Variants in PTPRD observed in about 807,000 individuals in gnomAD.
PTPRD encodes the protein protein tyrosine phosphatase receptor type D.
A neutral mutation model predicts 214.5 loss-of-function variants in PTPRD; 34 were observed. The ratio of observed to expected loss-of-function variants is 0.16; its 90% CI spans 0.12 to 0.21. PTPRD has a LOEUF of 0.21. PTPRD is among the 10% of genes least tolerant of loss of function. The pLI, the probability that PTPRD is intolerant of heterozygous loss-of-function variation, is 1.00. For missense variants in PTPRD, 2,545 were observed against 2,398.7 expected (o/e 1.06, Z -1.27); for synonymous variants, 1,128 against 845.7 (o/e 1.33, Z -5.79).
At chr9:9,902,719 G>A (rs1011670456) in intron 5 of PTPRD, among the ~76,000 whole-genome samples, 1 of 152,096 alleles carries the variant, frequency 6.6e-6, no homozygotes, top group Non-Finnish European at 1.5e-5. Flanking sequence ...AGATCAGTAG[G>A]TAGGATGATA....
intron 5 of PTPRD, among the ~76,000 whole-genome samples, chr9:9,842,146 G>A (rs2058478591): frequency 1.3e-5 from 2 of 151,808 alleles, no homozygotes. Context: ...AAACTAAGAA[G>A]AATATTGAGA....
At chr9:8,857,279 G>A (rs998040188) in intron 11 of PTPRD, among the ~76,000 whole-genome samples, 1 of 152,144 alleles carries the variant, frequency 6.6e-6, no homozygotes, top group African/African-American at 2.4e-5. Flanking sequence ...AGGATCCCTG[G>A]GTAAGGGTGG....
At chr9:10,113,870 T>A (rs978390517) in intron 3 of PTPRD, among the ~76,000 whole-genome samples, 2 of 152,192 alleles carry the variant, frequency 1.3e-5, no homozygotes, top group East Asian at 3.9e-4. Context: ...TTAGCAAGAA[T>A]CTGGGAAAAG....
At chr9:9,473,472 C>T (rs2094780334) in intron 8 of PTPRD, among the ~76,000 whole-genome samples, 1 of 152,074 alleles carries the variant, frequency 6.6e-6, no homozygotes, top group African/African-American at 2.4e-5. Context: ...GATTTTCTTT[C>T]TTTGGAAAAA....
chr9:8,398,876 AT>A (rs1184246370), intron 36 of PTPRD, among the ~76,000 whole-genome samples: 3 of 152,154 alleles, frequency 2.0e-5, no homozygotes, highest in Non-Finnish European at 4.4e-5. Flanking sequence ...AGTCTGTGGT[AT>A]TTTGTTATAG....
At chr9:9,288,579 T>C (rs1225409151) in intron 9 of PTPRD, among the ~76,000 whole-genome samples, 1 of 151,942 alleles carries the variant, frequency 6.6e-6, no homozygotes, top group South Asian at 2.1e-4. Flanking sequence ...CACACTTTCA[T>C]TGTTAATTAT....
chr9:10,549,206 T>G (rs1252732351), intron 2 of PTPRD, among the ~76,000 whole-genome samples: 2 of 152,184 alleles, frequency 1.3e-5, no homozygotes, highest in Admixed American at 6.6e-5. Context: ...TAACCATGTA[T>G]TATTAACTAA....
chr9:10,380,316 A>G (rs934786449), intron 2 of PTPRD, among the ~76,000 whole-genome samples: 1 of 152,124 alleles, frequency 6.6e-6, no homozygotes, highest in Non-Finnish European at 1.5e-5. Context: ...TCAATGACCC[A>G]TGAGAGCAAA....
intron 2 of PTPRD, among the ~76,000 whole-genome samples, chr9:10,369,170 T>A (rs757050424): frequency 6.6e-6 from 1 of 152,126 alleles, no homozygotes; most frequent in African/African-American, 2.4e-5. Context: ...ATGCAAATTA[T>A]TTTTCCTCTT....
chr9:10,361,514 G>C (rs1194730254), intron 2 of PTPRD, among the ~76,000 whole-genome samples: 1 of 152,080 alleles, frequency 6.6e-6, no homozygotes, highest in Non-Finnish European at 1.5e-5. Context: ...GGGCTGAAAG[G>C]CCAATCCCTG....
At chr9:10,386,664 C>T (rs5009756) in intron 2 of PTPRD, among the ~76,000 whole-genome samples, 39 of 151,340 alleles carry the variant, frequency 2.6e-4, no homozygotes, top group Middle Eastern at 3.4e-3. Context: ...ACCAAAAAAA[C>T]AAAACAAAAC....
chr9:10,253,650 A>G (rs2092990415), intron 3 of PTPRD, among the ~76,000 whole-genome samples: 1 of 152,242 alleles, frequency 6.6e-6, no homozygotes, highest in East Asian at 1.9e-4. Context: ...TGTTGGACGA[A>G]GGAAGAAAAA....
chr9:9,392,838 G>A (rs1384982676), intron 9 of PTPRD, among the ~76,000 whole-genome samples: 4 of 152,024 alleles, frequency 2.6e-5, no homozygotes, highest in African/African-American at 9.7e-5. Context: ...CTCAGGGAGG[G>A]AATATATAGT....
At chr9:8,352,360 G>A (rs10976983) in intron 39 of PTPRD, among the ~76,000 whole-genome samples, 2,652 of 152,218 alleles carry the variant, frequency 0.017, 85 homozygotes, top group African/African-American at 0.06. Context: ...TCTGAATAGA[G>A]GTCAATCAAA....
intron 3 of PTPRD, among the ~76,000 whole-genome samples, chr9:10,217,820 T>C (rs545811387): frequency 3.9e-5 from 6 of 151,904 alleles, no homozygotes; most frequent in East Asian, 3.9e-4. Context: ...AGAATAATGA[T>C]TGTGGAAAAA....
At chr9:9,575,343 T>G (rs999735013) in intron 7 of PTPRD, among the ~76,000 whole-genome samples, 7 of 152,152 alleles carry the variant, frequency 4.6e-5, no homozygotes, top group Admixed American at 2.0e-4. Flanking sequence ...GATATTTGAT[T>G]TAATAATTAT....
intron 9 of PTPRD, among the ~76,000 whole-genome samples, chr9:9,377,933 T>C (rs1242119497): frequency 2.0e-5 from 3 of 151,906 alleles, no homozygotes; most frequent in Non-Finnish European, 2.9e-5. Context: ...TTTTAAAGAG[T>C]AGTTTTAGGT....
chr9:10,294,218 G>C (rs909887045), intron 3 of PTPRD, among the ~76,000 whole-genome samples: 28 of 151,924 alleles, frequency 1.8e-4, no homozygotes, highest in African/African-American at 6.3e-4. Context: ...AAGAGTAAGA[G>C]AGATACCAGC....
intron 2 of PTPRD, among the ~76,000 whole-genome samples, chr9:10,516,530 C>T (rs1210544021): frequency 1.3e-5 from 2 of 151,930 alleles, no homozygotes; most frequent in Non-Finnish European, 2.9e-5. Context: ...GTTTCCTTTT[C>T]ACTCTGTTGA....
Sources: gnomAD v4.1 joint callset for allele counts (sites outside exome capture counted in the v4.1 genomes callset) on GRCh38, gnomAD v4.1.1 for gene constraint, MANE v1.5 for transcripts, NCBI Gene and HGNC (gene_info 2026-07-23, HGNC 2026-07-21) for gene names.